The following TMEFF2 variants were observed in gnomAD, a reference collection of about 807,000 sequenced individuals.
TMEFF2 encodes transmembrane protein with EGF like and two follistatin like domains 2, also known as tomoregulin-2.
A neutral mutation model predicts 53.8 loss-of-function variants in TMEFF2; 28 were observed. That is an observed-to-expected ratio of 0.52 (90% CI 0.39 to 0.71). The LOEUF is 0.71. Ranked by LOEUF, TMEFF2 falls within the 30% of genes least tolerant of loss-of-function variation. The pLI, the probability that TMEFF2 is intolerant of heterozygous loss-of-function variation, is 0.00. For missense variants in TMEFF2, 353 were observed against 455.2 expected, an observed-to-expected ratio of 0.78 and a Z score of 2.04; for synonymous variants, 162 against 166.3, an observed-to-expected ratio of 0.97 and a Z score of 0.20.
intron 4 of TMEFF2, among the ~76,000 whole-genome samples, chr2:192,170,373 A>T (rs1285629004): frequency 6.6e-6 from 1 of 152,078 alleles, no homozygotes; most frequent in East Asian, 1.9e-4. Flanking sequence ...TGCCCACAAG[A>T]ACATGCAAAC....
intron 4 of TMEFF2, among the ~76,000 whole-genome samples, chr2:192,157,350 G>A (rs1197948165): frequency 6.6e-6 from 1 of 151,870 alleles, no homozygotes; most frequent in Non-Finnish European, 1.5e-5. Flanking sequence ...TTTCTCATCT[G>A]TAAAATAGGA....
intron 5 of TMEFF2, among the ~76,000 whole-genome samples, chr2:192,033,079 A>C (rs1421053962): frequency 6.6e-6 from 1 of 152,152 alleles, no homozygotes; most frequent in Admixed American, 6.5e-5. Flanking sequence ...CACTCACCTC[A>C]AGCCCCCAGT....
intron 5 of TMEFF2, among the ~76,000 whole-genome samples, chr2:192,053,830 A>G (rs1687832330): frequency 6.6e-6 from 1 of 151,688 alleles, no homozygotes; most frequent in South Asian, 2.1e-4. Context: ...ATTTAATTTC[A>G]CTCATTGCTT....
intron 4 of TMEFF2, among the ~76,000 whole-genome samples, chr2:192,107,577 A>G (rs576954605): frequency 6.6e-6 from 1 of 151,910 alleles, no homozygotes; most frequent in African/African-American, 2.4e-5. Flanking sequence ...TGCCCAATTT[A>G]TACAATCTCT....
chr2:191,998,338 A>G lies in TMEFF2; in HGVS notation c.686-17T>C. 6.4e-7 allele frequency: 1 copy of G among 1,570,664 alleles called. No individual in the cohort carries two copies. The highest frequency in any genetic ancestry group is 8.7e-7 in the Non-Finnish European group (1 of 1,151,754). ...TTGTGTTATCTGTGTTAAAAAATTA[A>G]CAATAAAAATTGATTAACTGCTTCC... On this transcript the variant is annotated splice_polypyrimidine_tract_variant and intron_variant, in intron 6 of 9. Coordinates refer to ENST00000272771, the MANE Select transcript of TMEFF2 (RefSeq NM_016192.4).
In TMEFF2 at chr2:192,194,204, G is replaced by T; in HGVS notation, c.172+149C>A. The T allele has an allele frequency of 1.1e-6, 1 of 948,068 alleles. No homozygotes were observed. 58.7% of individuals were successfully genotyped at this position (948,068 alleles called of 1,614,324 possible). A position where few individuals can be genotyped will look rare whatever the true frequency, so the allele number is the denominator to read the frequency against. ...CCCCGGGCCTGCAACAGTTCCCCTT[G>T]TTTCTCTGGATAGAGGTGGGTGGTA... On this transcript the variant is annotated intron_variant, in intron 1 of 9. Transcript: ENST00000272771. The surrounding 1 kb of genome is among the most constrained non-coding windows in gnomAD (Gnocchi z 4.2).
intron 5 of TMEFF2, among the ~76,000 whole-genome samples, chr2:192,004,016 A>T (rs553559044): frequency 1.3e-5 from 2 of 151,780 alleles, no homozygotes; most frequent in African/African-American, 4.8e-5. Context: ...CTTTTCTGCA[A>T]CCTTCTCAAG....
At chr2:192,179,757 G>T in intron 3 of TMEFF2, 63 bp from the exon 4 acceptor site, 1 of 1,440,814 alleles carries the variant, frequency 6.9e-7, no homozygotes, top group Non-Finnish European at 9.2e-7. Flanking sequence ...GACTTTTTAA[G>T]CTCAAGTTTA....
intron 4 of TMEFF2, among the ~76,000 whole-genome samples, chr2:192,171,726 C>G (rs1690919337): frequency 6.6e-6 from 1 of 151,940 alleles, no homozygotes; most frequent in Non-Finnish European, 1.5e-5. Context: ...CCCTTCATTC[C>G]CTCCTGATCC....
At chr2:192,141,783 CA>C (rs1690145550) in intron 4 of TMEFF2, among the ~76,000 whole-genome samples, 1 of 152,016 alleles carries the variant, frequency 6.6e-6, no homozygotes, top group Admixed American at 6.6e-5. Context: ...ATAAGTTGGA[CA>C]AAACAGGTGT....
At chr2:192,065,128 T>C (rs1023092956) in intron 4 of TMEFF2, among the ~76,000 whole-genome samples, 5 of 151,906 alleles carry the variant, frequency 3.3e-5, no homozygotes, top group Non-Finnish European at 5.9e-5. Context: ...AACTTTCTAA[T>C]ATTTTCTTTC....
chr2:192,043,989 G>A (rs1347014800), intron 5 of TMEFF2: 1 of 152,124 alleles, frequency 6.6e-6, no homozygotes, highest in East Asian at 1.9e-4. Flanking sequence ...TACTGGATGT[G>A]GTTTCATTGC....
At chr2:191,986,473 T>C (rs1685977007) in intron 7 of TMEFF2, among the ~76,000 whole-genome samples, 1 of 152,116 alleles carries the variant, frequency 6.6e-6, no homozygotes, top group South Asian at 2.1e-4. Context: ...CCAGATGAAT[T>C]TTCATCATTC....
rs138306166 is a variant in TMEFF2, at chr2:192,193,717, C to T, written c.172+636G>A. On this transcript the variant is annotated intron_variant, in intron 1 of 9. Coordinates refer to ENST00000272771, the MANE Select transcript of TMEFF2 (RefSeq NM_016192.4). ...GGACTGCAAAACCAATGTCTTTTGC[C>T]GCCTAGGAGAGAAGGGAATGAGAGA... 3.2e-3 allele frequency among the ~76,000 whole-genome samples: 473 copies of T among 147,852 alleles called. 4 individuals are homozygous for T. Among genetic ancestry groups the T allele is most frequent in the African/African-American group, 0.011 (440 of 39,702 alleles).
chr2:192,075,258 AATT>A (rs1309143075), intron 4 of TMEFF2, among the ~76,000 whole-genome samples: 2 of 124,646 alleles, frequency 1.6e-5, no homozygotes, highest in Non-Finnish European at 3.4e-5. Flanking sequence ...CACTGAGATT[AATT>A]ATTATACCCA....
intron 4 of TMEFF2, among the ~76,000 whole-genome samples, chr2:192,159,210 G>A (rs555988974): frequency 1.3e-5 from 2 of 152,286 alleles, no homozygotes; most frequent in South Asian, 4.1e-4. Context: ...ACCGTTATTT[G>A]TAGTTAAGGG....
chr2:192,062,707 A>C (rs1320752710), intron 4 of TMEFF2, among the ~76,000 whole-genome samples: 1 of 152,126 alleles, frequency 6.6e-6, no homozygotes, highest in Non-Finnish European at 1.5e-5. Context: ...TCCTGGGAAA[A>C]GTCAAACTTG....
intron 4 of TMEFF2, among the ~76,000 whole-genome samples, chr2:192,092,961 T>A (rs2105936239): frequency 6.6e-6 from 1 of 152,144 alleles, no homozygotes; most frequent in African/African-American, 2.4e-5. Flanking sequence ...GACAATAGAG[T>A]TGTCTTGTTT....
chr2:192,049,046 G>C (rs1168389959), intron 5 of TMEFF2, among the ~76,000 whole-genome samples: 1 of 152,162 alleles, frequency 6.6e-6, no homozygotes, highest in African/African-American at 2.4e-5. Flanking sequence ...CACAATGTAG[G>C]TGTGTTAGTG....
Sources: gnomAD v4.1 joint callset for allele counts (sites outside exome capture counted in the v4.1 genomes callset) on GRCh38, gnomAD v4.1.1 for gene constraint, Gnocchi (gnomAD v3.1) non-coding constraint, MANE v1.5 for transcripts, NCBI Gene and HGNC (gene_info 2026-07-23, HGNC 2026-07-21) for gene names.